The following NBPF15 variants were observed in gnomAD, a reference collection of about 807,000 sequenced individuals.
The protein encoded by NBPF15 is NBPF family member NBPF15.
Under a neutral mutation model 62.2 loss-of-function variants are expected in NBPF15, and 74 were observed. The ratio of observed to expected loss-of-function variants is 1.19; its 90% CI spans 0.99 to 1.44. NBPF15 has a LOEUF of 1.44. Among genes scored for constraint, NBPF15 ranks in the 40% most tolerant of loss-of-function variants. The pLI is 0.00. For synonymous variants in NBPF15, 244 were observed against 209.7 expected (o/e 1.16, Z -1.41); for missense variants, 790 against 550.0 (o/e 1.44, Z -4.36).
intron 1 of NBPF15, 39 bp downstream of exon 1, chr1:144,461,342 A>T (rs1652928521): frequency 7.0e-6 from 1 of 143,122 alleles, no homozygotes; most frequent in African/African-American, 2.6e-5. Context: ...CGACAGCCGC[A>T]GCTCGACCCA....
At chr1:144,429,040 A>C (rs1672200278) in intron 14 of NBPF15, among the ~76,000 whole-genome samples, 1 of 151,980 alleles carries the variant, frequency 6.6e-6, no homozygotes, top group Admixed American at 6.6e-5. Flanking sequence ...GATTGTGGAC[A>C]CAGAGATTTG....
chr1:144,455,542 T>A (rs797031434), intron 4 of NBPF15, among the ~76,000 whole-genome samples: 2 of 151,964 alleles, frequency 1.3e-5, no homozygotes, highest in African/African-American at 4.8e-5. Context: ...CCCAAAAGAA[T>A]GAGATGAGAC....
chr1:144,438,668 T>C (rs1204432094), intron 8 of NBPF15, among the ~76,000 whole-genome samples: 11 of 152,084 alleles, frequency 7.2e-5, no homozygotes, highest in Admixed American at 2.0e-4. Context: ...TAGATAGTGT[T>C]TACTGTGTGC....
At chr1:144,427,603 G>A (rs1180286772) in intron 16 of NBPF15, among the ~76,000 whole-genome samples, 3 of 146,008 alleles carry the variant, frequency 2.1e-5, no homozygotes, top group East Asian at 2.0e-4. Context: ...GGCGCCACAG[G>A]CATGGCCTGA....
rs1553542303 is a variant in NBPF15, at chr1:144,440,023, G to A, written c.-20C>T. ...CACCATGCTGACGTTTGTGGCAGAA[G>A]AGGTGGAGTCAGGGACTGGGGAGAA... is the stretch of plus-strand genomic sequence containing the variant. On this transcript the variant is annotated 5_prime_UTR_variant, in exon 8 of 22. Transcript: ENST00000581897. 1.2e-6 allele frequency: 2 copies of A among 1,605,834 alleles called. No individual in the cohort carries two copies. The highest frequency in any genetic ancestry group is 4.5e-5 in the East Asian group (2 of 44,854).
intron 10 of NBPF15, 134 bp downstream of exon 10, chr1:144,436,761 C>T (rs1678782981): frequency 8.4e-7 from 1 of 1,191,394 alleles, no homozygotes; most frequent in African/African-American, 1.5e-5. Context: ...CCCAAGAAGT[C>T]CTGGTCATGT....
At chr1:144,457,948 A>T (rs1649369596) in intron 3 of NBPF15, among the ~76,000 whole-genome samples, 1 of 151,852 alleles carries the variant, frequency 6.6e-6, no homozygotes, top group South Asian at 2.1e-4. Flanking sequence ...TTAGCCGGGC[A>T]TAGTGGTGCA....
chr1:144,443,049 C>G (rs1318794069), intron 6 of NBPF15: 3 of 172,508 alleles, frequency 1.7e-5, no homozygotes, highest in African/African-American at 7.2e-5. Flanking sequence ...CATAGCTTTG[C>G]CCGCCTTTCC....
At chr1:144,453,812 G>A (rs1272865346) in intron 4 of NBPF15, among the ~76,000 whole-genome samples, 26 of 138,174 alleles carry the variant, frequency 1.9e-4, no homozygotes, top group African/African-American at 6.7e-4. Flanking sequence ...AACACAAAAC[G>A]GTGAACACAC....
Position 144,439,879 on chromosome 1 carries a change from C to T in NBPF15, c.125G>A (p.Cys42Tyr). 1 of 1,610,870 alleles carries T rather than the reference C, an allele frequency of 6.2e-7. No homozygotes were observed. Among genetic ancestry groups the T allele is most frequent in the South Asian group, 1.1e-5 (1 of 90,948 alleles). Residue 42 changes from cysteine (C) to tyrosine (Y), a missense_variant, in exon 8 of 22, where the codon TGT becomes TAT. By Grantham distance (194) the Cys-to-Tyr change is radical (BLOSUM62 -2). Transcript: ENST00000581897. ...KQQFRNLKEK[C>Y]FLTQLAGFLA... ...GAAGCCGGCCAGTTGAGTTAGAAAA[C>T]ATTTCTCTTTGAGGTTTCTGAACTG...
Position 144,438,021 on chromosome 1 carries a change from T to C in NBPF15, c.202A>G (p.Lys68Glu). 6.2e-7 allele frequency: 1 copy of C among 1,611,604 alleles called. No individual in the cohort carries two copies. The highest frequency in any genetic ancestry group is 8.5e-7 in the Non-Finnish European group (1 of 1,179,806). Residue 68 changes from lysine (K) to glutamate (E), a missense_variant, in exon 9 of 22, where the codon AAA becomes GAA. Coordinates refer to ENST00000581897, the MANE Select transcript of NBPF15 (RefSeq NM_001385408.1). ...YKYEECKDLI[K>E]FMLRNERQFK... ...TGTCGCTCATTCCTCAGCATAAATT[T>C]TATGAGATCTTTGCACTCTTCATAT...
intron 4 of NBPF15, among the ~76,000 whole-genome samples, chr1:144,452,040 T>C (rs1282009675): frequency 6.6e-6 from 1 of 151,284 alleles, no homozygotes; most frequent in Non-Finnish European, 1.5e-5. Flanking sequence ...TAATCCCAGC[T>C]ATTCAGGAGG....
At chr1:144,445,295 T>A (rs1208800411) in intron 6 of NBPF15, among the ~76,000 whole-genome samples, 2 of 137,562 alleles carry the variant, frequency 1.5e-5, no homozygotes, top group African/African-American at 5.5e-5. Context: ...TATATATATA[T>A]ATTCCCTATT....
At position 144,436,398 on chromosome 1, in the gene NBPF15, G is replaced by A. The variant is rs1291096840; in HGVS notation, c.493+497C>T. Among the ~76,000 whole-genome samples the A allele has an allele frequency of 1.4e-4, 22 of 151,862 alleles. No homozygotes were observed. In the East Asian group the frequency reaches 3.7e-3, roughly 25 times the overall value. Reference sequence around the variant, plus strand: ...AGTGCCTTCTCCAACATCACACGGTGAGGGCCTTCATCTCATTTTGGAAAG... The same window carrying A: ...AGTGCCTTCTCCAACATCACACGGTAAGGGCCTTCATCTCATTTTGGAAAG... On this transcript the variant is annotated intron_variant, in intron 10 of 21. Coordinates refer to ENST00000581897, the MANE Select transcript of NBPF15 (RefSeq NM_001385408.1).
At chr1:144,458,414 C>T (rs1473553587) in intron 3 of NBPF15, among the ~76,000 whole-genome samples, 2 of 151,298 alleles carry the variant, frequency 1.3e-5, no homozygotes, top group African/African-American at 4.9e-5. Flanking sequence ...ATACATTTTC[C>T]CTGAATGCCC....
chr1:144,441,921 G>A (rs1213689724), intron 6 of NBPF15, among the ~76,000 whole-genome samples: 3 of 148,216 alleles, frequency 2.0e-5, no homozygotes, highest in Non-Finnish European at 3.0e-5. Flanking sequence ...TAGAAGCGGC[G>A]GTGCGAGCAT....
chr1:144,442,179 TA>T (rs1353792375), intron 6 of NBPF15, among the ~76,000 whole-genome samples: 9 of 92,202 alleles, frequency 9.8e-5, no homozygotes, highest in African/African-American at 1.4e-4. Context: ...TATATATATA[TA>T]ATATATATAC....
At chr1:144,433,392 C>T (rs1434217735) in intron 13 of NBPF15, among the ~76,000 whole-genome samples, 15 of 151,516 alleles carry the variant, frequency 9.9e-5, no homozygotes, top group African/African-American at 2.2e-4. Flanking sequence ...ATTAAAATAA[C>T]GAGAGAAGCA....
chr1:144,445,853 CT>C (rs1229682742), intron 6 of NBPF15, among the ~76,000 whole-genome samples: 4,178 of 104,872 alleles, frequency 0.04, 153 homozygotes, highest in African/African-American at 0.14. Flanking sequence ...GTTGACTTTC[CT>C]TTTTTTTTTT....
Sources: allele counts gnomAD v4.1 joint callset (sites outside exome capture counted in the v4.1 genomes callset), GRCh38; gene constraint gnomAD v4.1.1; transcripts MANE v1.5; gene names NCBI Gene and HGNC (gene_info 2026-07-23, HGNC 2026-07-21).